Variants in CACNA2D3 observed in about 807,000 individuals in gnomAD.
CACNA2D3 encodes calcium voltage-gated channel auxiliary subunit alpha2delta 3, also known as voltage-dependent calcium channel subunit alpha-2/delta-3.
Under a neutral mutation model 160.6 loss-of-function variants are expected in CACNA2D3, and 60 were observed. That is an observed-to-expected ratio of 0.37 (90% CI 0.30 to 0.46). The LOEUF is 0.46. Ranked by LOEUF, CACNA2D3 falls within the 20% of genes least tolerant of loss-of-function variation. The pLI, the probability that CACNA2D3 is intolerant of heterozygous loss-of-function variation, is 1.00. For synonymous variants in CACNA2D3, 558 were observed against 492.9 expected, an observed-to-expected ratio of 1.13 and a Z score of -1.75; for missense variants, 1,205 against 1,365.0, an observed-to-expected ratio of 0.88 and a Z score of 1.85.
intron 11 of CACNA2D3, among the ~76,000 whole-genome samples, chr3:54,656,161 G>C (rs1172363035): frequency 6.6e-6 from 1 of 152,248 alleles, no homozygotes; most frequent in African/African-American, 2.4e-5. Context: ...TAGGCAGCCT[G>C]TGCTGCTATG....
At chr3:54,775,429 C>T (rs900869277) in intron 13 of CACNA2D3, among the ~76,000 whole-genome samples, 25 of 152,230 alleles carry the variant, frequency 1.6e-4, no homozygotes, top group Middle Eastern at 3.4e-3. Flanking sequence ...GACACGAAGC[C>T]CAGTTGCTTG....
chr3:54,777,423 ATC>A (rs1702445154), intron 13 of CACNA2D3, among the ~76,000 whole-genome samples: 1 of 152,210 alleles, frequency 6.6e-6, no homozygotes, highest in Admixed American at 6.5e-5. Context: ...GACTAAGTCT[ATC>A]TCTCAGTGCA....
chr3:55,004,649 G>C lies in CACNA2D3; in HGVS notation c.2691-114G>C, dbSNP rs1156951411. On this transcript the variant is annotated intron_variant, in intron 31 of 37. Transcript: ENST00000474759. ...TCATCATCCATGTTAGGGCTGCATG[G>C]TGTTTGTCACCGTTGCACTTGATGA... 3.3e-5 allele frequency: 23 copies of C among 688,410 alleles called. No homozygotes were observed. In the South Asian group the frequency reaches 4.1e-4, roughly 12 times the overall value. 42.6% of individuals were successfully genotyped at this position (688,410 alleles called of 1,614,324 possible).
At chr3:54,673,056 G>A (rs1395492158) in intron 11 of CACNA2D3, among the ~76,000 whole-genome samples, 9 of 152,214 alleles carry the variant, frequency 5.9e-5, no homozygotes. Flanking sequence ...CTACACATGG[G>A]CTTAGGGAGA....
intron 11 of CACNA2D3, among the ~76,000 whole-genome samples, chr3:54,643,115 G>T (rs1699559236): frequency 1.9e-5 from 1 of 53,666 alleles, no homozygotes; most frequent in Non-Finnish European, 3.9e-5. Context: ...TGTGCCAGTA[G>T]TGTTATCCTG....
At chr3:54,692,069 G>A (rs965237876) in intron 11 of CACNA2D3, among the ~76,000 whole-genome samples, 1 of 152,078 alleles carries the variant, frequency 6.6e-6, no homozygotes, top group Admixed American at 6.5e-5. Flanking sequence ...CGCCTCCTGG[G>A]TTCTAGCGAT....
intron 3 of CACNA2D3, among the ~76,000 whole-genome samples, chr3:54,384,432 C>T (rs1352938474): frequency 6.6e-6 from 1 of 152,152 alleles, no homozygotes; most frequent in Non-Finnish European, 1.5e-5. Flanking sequence ...CTCTCAGAAA[C>T]ACATAGTTTT....
chr3:54,628,977 T>TGGGA (rs1699178534), intron 10 of CACNA2D3, among the ~76,000 whole-genome samples: 1 of 152,228 alleles, frequency 6.6e-6, no homozygotes, highest in Admixed American at 6.5e-5. Context: ...AGAAAATGCC[T>TGGGA]ATCCCCTGAG....
chr3:54,670,495 C>T (rs986823220), intron 11 of CACNA2D3, among the ~76,000 whole-genome samples: 4 of 152,170 alleles, frequency 2.6e-5, no homozygotes, highest in Admixed American at 2.6e-4. Flanking sequence ...ACCGCCCCAT[C>T]TGGCCACTCT....
At position 54,406,453 on chromosome 3, in the gene CACNA2D3, A is replaced by G. The variant is rs540255693; in HGVS notation, c.381+19679A>G. 3.6e-4 allele frequency among the ~76,000 whole-genome samples: 55 copies of G among 152,326 alleles called. 1 individual carries two copies. Among genetic ancestry groups the G allele is most frequent in the Non-Finnish European group, 4.7e-4 (32 of 68,008 alleles). ...CATTGTACAATGTGTGTACACATAT[A>G]TACAATGGAATATTATTCAACCTTA... On this transcript the variant is annotated intron_variant, in intron 4 of 37. Coordinates refer to ENST00000474759, the MANE Select transcript of CACNA2D3 (RefSeq NM_018398.3).
chr3:54,643,257 C>G (rs1559536874), intron 11 of CACNA2D3, among the ~76,000 whole-genome samples: 1 of 152,086 alleles, frequency 6.6e-6, no homozygotes, highest in Non-Finnish European at 1.5e-5. Flanking sequence ...GTCCTCAACT[C>G]TATCTAGGGA....
At chr3:54,285,949 C>T (rs1257738826) in intron 2 of CACNA2D3, among the ~76,000 whole-genome samples, 1 of 152,090 alleles carries the variant, frequency 6.6e-6, no homozygotes, top group African/African-American at 2.4e-5. Flanking sequence ...CATCAAAGAC[C>T]AAAAGTAGAT....
At chr3:54,710,619 C>T (rs1440054847) in intron 11 of CACNA2D3, among the ~76,000 whole-genome samples, 1 of 152,146 alleles carries the variant, frequency 6.6e-6, no homozygotes, top group African/African-American at 2.4e-5. Flanking sequence ...AACTGGGAAA[C>T]ACAGTCCTCC....
chr3:54,885,504 T>C lies in CACNA2D3; in HGVS notation c.1974T>C (p.Thr658=). 6.2e-7 allele frequency: 1 copy of C among 1,613,244 alleles called. No individual in the cohort carries two copies. The highest frequency in any genetic ancestry group is 8.5e-7 in the Non-Finnish European group (1 of 1,179,526). Residue 658 remains threonine (T), a synonymous_variant, in exon 23 of 38, where the codon ACT becomes ACC. Transcript: ENST00000474759. Reference sequence around the variant, plus strand: ...ATGTTCTTAGGTCCTACTGCAACACTGACCTACACCCTGAGCACCGCCATC... The same window carrying C: ...ATGTTCTTAGGTCCTACTGCAACACCGACCTACACCCTGAGCACCGCCATC... ...SLADEWSYCN[T]DLHPEHRHLS... is the part of the protein sequence containing the mutation.
chr3:54,913,900 G>C (rs1055600446), intron 27 of CACNA2D3, among the ~76,000 whole-genome samples: 7 of 152,164 alleles, frequency 4.6e-5, no homozygotes, highest in Admixed American at 4.6e-4. Context: ...TTACTATGAG[G>C]CTTAGAGAAA....
chr3:54,231,272 G>C (rs564666129), intron 2 of CACNA2D3, among the ~76,000 whole-genome samples: 14 of 152,312 alleles, frequency 9.2e-5, no homozygotes, highest in African/African-American at 2.6e-4. Context: ...TGGCTGGGTA[G>C]AAGTTCTTAA....
At chr3:54,952,688 T>A (rs1049717418) in intron 27 of CACNA2D3, among the ~76,000 whole-genome samples, 1 of 152,210 alleles carries the variant, frequency 6.6e-6, no homozygotes, top group African/African-American at 2.4e-5. Flanking sequence ...TGGGTTCAAA[T>A]TCTGGTGCCC....
chr3:54,580,329 A>T (rs188234361), intron 8 of CACNA2D3, among the ~76,000 whole-genome samples: 1 of 152,186 alleles, frequency 6.6e-6, no homozygotes, highest in African/African-American at 2.4e-5. Context: ...AACCTGATGC[A>T]TCCCAGTTGC....
chr3:54,872,626 C>G (rs1699561636), intron 18 of CACNA2D3, among the ~76,000 whole-genome samples: 1 of 152,228 alleles, frequency 6.6e-6, no homozygotes, highest in Non-Finnish European at 1.5e-5. Flanking sequence ...CTTCTTTCCA[C>G]ACGCTCTGCA....
Sources: allele counts gnomAD v4.1 joint callset (sites outside exome capture counted in the v4.1 genomes callset), GRCh38; gene constraint gnomAD v4.1.1; transcripts MANE v1.5; gene names NCBI Gene and HGNC (gene_info 2026-07-23, HGNC 2026-07-21).